Variants in RNFT2 observed in about 807,000 individuals in gnomAD.
RNFT2 encodes the protein ring finger protein, transmembrane 2.
Under a neutral mutation model 53.0 loss-of-function variants are expected in RNFT2, and 36 were observed. The observed-to-expected ratio is 0.68, with a 90% CI of 0.52 to 0.90. The LOEUF is 0.90. RNFT2 is among the 40% of genes least tolerant of loss of function. The pLI is 0.00. For synonymous variants in RNFT2, 260 were observed against 253.2 expected (o/e 1.03, Z -0.26); for missense variants, 514 against 585.6 (o/e 0.88, Z 1.26).
At chr12:116,784,523 G>T (rs557483659) in intron 7 of RNFT2, among the ~76,000 whole-genome samples, 2 of 152,110 alleles carry the variant, frequency 1.3e-5, no homozygotes, top group African/African-American at 4.8e-5. Flanking sequence ...TTCATCTGGG[G>T]CCTGGGTTGA....
At chr12:116,775,450 T>C (rs1305121707) in intron 6 of RNFT2, among the ~76,000 whole-genome samples, 1 of 152,182 alleles carries the variant, frequency 6.6e-6, no homozygotes, top group Non-Finnish European at 1.5e-5. Flanking sequence ...TAAGGAGTCT[T>C]AGCCTTGGAG....
intron 7 of RNFT2, among the ~76,000 whole-genome samples, chr12:116,804,971 G>T (rs1565865361): frequency 6.6e-6 from 1 of 152,090 alleles, no homozygotes; most frequent in Non-Finnish European, 1.5e-5. Flanking sequence ...TGTCAAAAAA[G>T]AAAAAGAAGC....
At chr12:116,807,210 A>C (rs1875127105) in intron 7 of RNFT2, among the ~76,000 whole-genome samples, 1 of 152,142 alleles carries the variant, frequency 6.6e-6, no homozygotes, top group African/African-American at 2.4e-5. Flanking sequence ...TAAATGAGAG[A>C]CTGGAAGCTC....
intron 7 of RNFT2, among the ~76,000 whole-genome samples, chr12:116,817,642 GAATT>G (rs1875755768): frequency 6.6e-6 from 1 of 152,186 alleles, no homozygotes; most frequent in South Asian, 2.1e-4. Context: ...GTACACTTAA[GAATT>G]AATAGGCTCT....
intron 5 of RNFT2, among the ~76,000 whole-genome samples, chr12:116,757,110 C>A (rs979816963): frequency 1.3e-5 from 2 of 152,094 alleles, no homozygotes; most frequent in African/African-American, 4.8e-5. Flanking sequence ...AGTTTTTGTG[C>A]ATAAAGGTGT....
In RNFT2 at chr12:116,852,830, T is replaced by A. The variant is rs989185261; in HGVS notation, c.*3382T>A. ...CTCCAGGGTGACGGAACCCAGTGTA[T>A]TACCTGCTGGAACCAAGGAAACTAA... On this transcript the variant is annotated 3_prime_UTR_variant, in exon 11 of 11. Coordinates refer to ENST00000257575, the MANE Select transcript of RNFT2 (RefSeq NM_001382266.1). 1.0e-6 allele frequency: 1 copy of A among 959,958 alleles called. No homozygotes were observed. Among genetic ancestry groups the A allele is most frequent in the Non-Finnish European group, 1.6e-6 (1 of 610,644 alleles). 59.5% of individuals were successfully genotyped at this position (959,958 alleles called of 1,614,324 possible). A position where few individuals can be genotyped will look rare whatever the true frequency, so the allele number is the denominator to read the frequency against.
chr12:116,833,738 G>A, intron 7 of RNFT2, 54 bp from the exon 8 acceptor site: 1 of 1,601,140 alleles, frequency 6.2e-7, no homozygotes, highest in Non-Finnish European at 8.5e-7. Flanking sequence ...CCCCCAGCTG[G>A]GTCCTTTGGG....
intron 7 of RNFT2, among the ~76,000 whole-genome samples, chr12:116,814,467 G>C (rs1875541517): frequency 6.6e-6 from 1 of 152,096 alleles, no homozygotes; most frequent in Non-Finnish European, 1.5e-5. Flanking sequence ...AGGAAGCAAG[G>C]GAGTGTGCCA....
intron 7 of RNFT2, among the ~76,000 whole-genome samples, chr12:116,798,593 G>A (rs1006961498): frequency 2.6e-5 from 4 of 151,846 alleles, no homozygotes; most frequent in African/African-American, 9.7e-5. Context: ...ATATTTTTGA[G>A]ACAGAGTCTC....
intron 5 of RNFT2, among the ~76,000 whole-genome samples, chr12:116,762,580 A>ATT (rs112850108): frequency 0.048 from 6,654 of 137,726 alleles, 454 homozygotes; most frequent in African/African-American, 0.14. Flanking sequence ...TTCTCTACCA[A>ATT]TTTTTTTTTT....
At chr12:116,782,651 A>G (rs1458000387) in intron 7 of RNFT2, among the ~76,000 whole-genome samples, 8 of 152,146 alleles carry the variant, frequency 5.3e-5, no homozygotes, top group Admixed American at 4.6e-4. Context: ...CCAGGTTACC[A>G]TGGGTCAATG....
chr12:116,750,124 G>T lies in RNFT2; in HGVS notation c.367G>T (p.Gly123Trp). The T allele has an allele frequency of 1.3e-6, 2 of 1,573,032 alleles. No homozygotes were observed. The highest frequency in any genetic ancestry group is 2.3e-5 in the East Asian group (1 of 43,368). The change falls in exon 4 of 11, where the codon GGG (glycine) becomes TGG (tryptophan). Residue 123 changes from glycine to tryptophan, a missense_variant. Transcript: ENST00000257575. Reference protein sequence around the residue: ...HHHFHHGGHRGGSLLQHVGGD... With the variant: ...HHHFHHGGHRWGSLLQHVGGD... ...CCATTTCCACCATGGCGGCCACCGC[G>T]GGGGCTCCCTGCTGCAGCACGTGGG...
chr12:116,845,149 C>T (rs1374281082), intron 10 of RNFT2, among the ~76,000 whole-genome samples: 7 of 150,270 alleles, frequency 4.7e-5, no homozygotes. Flanking sequence ...GAGATTGAAG[C>T]AGGAGGGTCA....
chr12:116,746,145 A>G (rs1871884426), intron 3 of RNFT2, among the ~76,000 whole-genome samples: 1 of 152,106 alleles, frequency 6.6e-6, no homozygotes, highest in African/African-American at 2.4e-5. Context: ...GCTGAGGCAT[A>G]AGAATCACTT....
chr12:116,777,409 C>T (rs1276409768), intron 6 of RNFT2, among the ~76,000 whole-genome samples: 1 of 152,136 alleles, frequency 6.6e-6, no homozygotes, highest in African/African-American at 2.4e-5. Flanking sequence ...GTCTCTTCAC[C>T]AGTGCCAGTT....
intron 7 of RNFT2, among the ~76,000 whole-genome samples, chr12:116,816,930 C>T (rs1875713065): frequency 6.6e-6 from 1 of 152,112 alleles, no homozygotes. Flanking sequence ...CCATCTTCTT[C>T]CCTCCCTTTG....
intron 7 of RNFT2, among the ~76,000 whole-genome samples, chr12:116,823,077 C>T (rs1225135576): frequency 6.6e-6 from 1 of 152,200 alleles, no homozygotes; most frequent in East Asian, 1.9e-4. Flanking sequence ...TGTTTGACCT[C>T]CTGGATCCAG....
intron 5 of RNFT2, among the ~76,000 whole-genome samples, chr12:116,761,172 G>A (rs1872679268): frequency 1.3e-5 from 2 of 151,402 alleles, no homozygotes; most frequent in African/African-American, 2.4e-5. Context: ...TTTTTGAGAC[G>A]GAATCTTGCT....
Position 116,779,294 on chromosome 12 carries a change from C to T in RNFT2, c.828C>T (p.Ala276=), listed in dbSNP as rs149537985. The stretch of plus-strand genomic sequence containing the variant: ...TTGTTCTGAAGTACATCACCATCGC[C>T]CTCAAGTGCCTCATCGTGGCCCTGC... The part of the protein sequence containing the change: ...ADFVLKYITI[A]LKCLIVALPK... Residue 276 remains alanine (A), a synonymous_variant, in exon 7 of 11, where the codon GCC becomes GCT. Coordinates refer to ENST00000257575, the MANE Select transcript of RNFT2 (RefSeq NM_001382266.1). The T allele has an allele frequency of 4.0e-5, 64 of 1,613,906 alleles. No homozygotes were observed. The African/African-American group carries it at 5.2e-4, about 13-fold the overall frequency.
Sources: gnomAD v4.1 joint callset for allele counts (sites outside exome capture counted in the v4.1 genomes callset) on GRCh38, gnomAD v4.1.1 for gene constraint, MANE v1.5 for transcripts, NCBI Gene and HGNC (gene_info 2026-07-23, HGNC 2026-07-21) for gene names.